The following FAM110B variants were observed in gnomAD, a reference collection of about 807,000 sequenced individuals.
FAM110B encodes family with sequence similarity 110 member B, also known as protein FAM110B.
FAM110B carries 6 observed loss-of-function variants against 20.4 expected under a neutral mutation model. That is an observed-to-expected ratio of 0.29 (90% confidence interval 0.16 to 0.58). FAM110B has a LOEUF of 0.58. Among genes scored for constraint, FAM110B ranks in the 20% least tolerant of loss-of-function variants. The pLI is 0.90. For missense variants in FAM110B, 434 were observed against 498.2 expected (o/e 0.87, Z 1.23); for synonymous variants, 226 against 214.1 (o/e 1.06, Z -0.49).
chr8:58,082,109 G>A (rs182973229), intron 3 of FAM110B, among the ~76,000 whole-genome samples: 357 of 152,296 alleles, frequency 2.3e-3, no homozygotes, highest in African/African-American at 8.1e-3. Flanking sequence ...AATCCTAGAG[G>A]AGATTGTAGA....
chr8:58,086,999 C>T (rs73682140), intron 3 of FAM110B, among the ~76,000 whole-genome samples: 3,182 of 152,348 alleles, frequency 0.021, 59 homozygotes, highest in South Asian at 0.083. Flanking sequence ...GGGGCTAGAT[C>T]TGAGCTCACA....
intron 1 of FAM110B, chr8:58,031,251 C>T (rs913591945): frequency 2.5e-4 from 38 of 152,176 alleles, no homozygotes; most frequent in African/African-American, 8.9e-4. Flanking sequence ...TGAGGAGGCT[C>T]CATCATTTTC....
chr8:58,111,538 A>C (rs574024787), intron 3 of FAM110B, among the ~76,000 whole-genome samples: 1 of 152,344 alleles, frequency 6.6e-6, no homozygotes, highest in East Asian at 1.9e-4. Context: ...AGACATCTAC[A>C]GAAGGTGTTT....
chr8:58,029,147 A>G (rs983094322), intron 1 of FAM110B, among the ~76,000 whole-genome samples: 4 of 152,222 alleles, frequency 2.6e-5, no homozygotes, highest in Non-Finnish European at 5.9e-5. Flanking sequence ...GTGAATACGA[A>G]TTCAGTCTGA....
chr8:58,140,981 T>C (rs1803733002), intron 3 of FAM110B, among the ~76,000 whole-genome samples: 2 of 152,240 alleles, frequency 1.3e-5, no homozygotes, highest in African/African-American at 4.8e-5. Flanking sequence ...CAATAGGTAC[T>C]AATTAATTGA....
intron 3 of FAM110B, among the ~76,000 whole-genome samples, chr8:58,112,786 A>G (rs934192011): frequency 3.9e-5 from 6 of 152,234 alleles, no homozygotes; most frequent in Non-Finnish European, 7.3e-5. Context: ...GGGATCTTTT[A>G]AAGTTTTCTG....
chr8:58,011,607 T>TA (rs1449875215), intron 1 of FAM110B, among the ~76,000 whole-genome samples: 1 of 152,174 alleles, frequency 6.6e-6, no homozygotes, highest in African/African-American at 2.4e-5. Flanking sequence ...TCTCGTGTGA[T>TA]ACAGACCCTG....
intron 1 of FAM110B, among the ~76,000 whole-genome samples, chr8:58,012,868 C>T (rs991263812): frequency 1.3e-5 from 2 of 152,138 alleles, no homozygotes; most frequent in Admixed American, 6.5e-5. Flanking sequence ...CTTGGGGTCC[C>T]GGTATCCTCC....
intron 2 of FAM110B, among the ~76,000 whole-genome samples, chr8:58,058,335 G>GA (rs11458008): frequency 0.3 from 43,343 of 143,848 alleles, 8,323 homozygotes; most frequent in African/African-American, 0.56. Context: ...AGACAAAAAG[G>GA]AAAAAAAAAA....
intron 2 of FAM110B, among the ~76,000 whole-genome samples, chr8:58,066,031 G>A (rs1236774696): frequency 1.3e-5 from 2 of 152,152 alleles, no homozygotes; most frequent in Non-Finnish European, 2.9e-5. Context: ...GGAAGTATAT[G>A]AGAACCATGT....
At chr8:58,039,398 T>A (rs1265400695) in intron 2 of FAM110B, among the ~76,000 whole-genome samples, 1 of 152,210 alleles carries the variant, frequency 6.6e-6, no homozygotes, top group Admixed American at 6.5e-5. Context: ...ACAGGCCTGT[T>A]CCAGGGGCCA....
chr8:58,133,022 CAT>C (rs1213092398), intron 3 of FAM110B, among the ~76,000 whole-genome samples: 1 of 151,886 alleles, frequency 6.6e-6, no homozygotes, highest in African/African-American at 2.4e-5. Flanking sequence ...ATGATGGAAT[CAT>C]GTAAAAAAAA....
chr8:58,113,237 C>G (rs573906646), intron 3 of FAM110B: 76 of 158,360 alleles, frequency 4.8e-4, no homozygotes, highest in African/African-American at 1.7e-3. Context: ...TGCCCTTTCT[C>G]TTGCCTGCTT....
At chr8:58,135,759 G>T (rs1803595744) in intron 3 of FAM110B, among the ~76,000 whole-genome samples, 1 of 152,060 alleles carries the variant, frequency 6.6e-6, no homozygotes, top group African/African-American at 2.4e-5. Context: ...TCTGGTCTGG[G>T]CTCTCTCTGC....
At chr8:58,008,515 A>G (rs1307084194) in intron 1 of FAM110B, among the ~76,000 whole-genome samples, 1 of 152,220 alleles carries the variant, frequency 6.6e-6, no homozygotes, top group African/African-American at 2.4e-5. Flanking sequence ...GGACACATGT[A>G]TCTAATGTGT....
intron 2 of FAM110B, among the ~76,000 whole-genome samples, chr8:58,062,691 A>C (rs1481055539): frequency 2.0e-5 from 3 of 152,204 alleles, no homozygotes; most frequent in Non-Finnish European, 2.9e-5. Flanking sequence ...AACAATCCAT[A>C]AAATTTCAGA....
intron 3 of FAM110B, among the ~76,000 whole-genome samples, chr8:58,087,499 C>T (rs1806367376): frequency 2.0e-5 from 3 of 152,164 alleles, no homozygotes. Flanking sequence ...GAAAAGGGAC[C>T]TCTCAAAGCT....
intron 3 of FAM110B, among the ~76,000 whole-genome samples, chr8:58,087,888 T>A (rs779762858): frequency 2.0e-5 from 3 of 152,216 alleles, no homozygotes; most frequent in Admixed American, 6.5e-5. Context: ...TAAAAATCAA[T>A]TGAACTAATA....
intron 3 of FAM110B, among the ~76,000 whole-genome samples, chr8:58,121,463 C>G (rs1807359675): frequency 1.3e-5 from 2 of 152,112 alleles, no homozygotes; most frequent in Admixed American, 1.3e-4. Flanking sequence ...TACGGAAAAC[C>G]TGTAGGAATG....
Sources: allele counts gnomAD v4.1 joint callset (sites outside exome capture counted in the v4.1 genomes callset), GRCh38; gene constraint gnomAD v4.1.1; transcripts MANE v1.5; gene names NCBI Gene and HGNC (gene_info 2026-07-23, HGNC 2026-07-21).